SLC35F4: variants seen among roughly 807,000 people sequenced by gnomAD.
SLC35F4 encodes chromosome 14 open reading frame 36.
Under a neutral mutation model 44.2 loss-of-function variants are expected in SLC35F4, and 24 were observed. That is an observed-to-expected ratio of 0.54 (90% CI 0.39 to 0.76). The LOEUF is 0.76. Ranked by LOEUF, SLC35F4 falls within the 30% of genes least tolerant of loss-of-function variation. The pLI, the probability that SLC35F4 is intolerant of heterozygous loss-of-function variation, is 0.00. For synonymous variants in SLC35F4, 238 were observed against 223.6 expected (o/e 1.06, Z -0.57); for missense variants, 562 against 586.1 (o/e 0.96, Z 0.42).
intron 5 of SLC35F4, among the ~76,000 whole-genome samples, chr14:57,570,870 A>T (rs2068465680): frequency 6.6e-6 from 1 of 152,132 alleles, no homozygotes; most frequent in East Asian, 1.9e-4. Context: ...GAAAGACTTA[A>T]TCAAAAGAAT....
intron 4 of SLC35F4, chr14:57,579,289 C>T (rs2069057863): frequency 6.6e-6 from 1 of 152,182 alleles, no homozygotes; most frequent in African/African-American, 2.4e-5. Flanking sequence ...ACCACTCAAC[C>T]CACTGCAGAT....
chr14:57,954,792 C>G (rs1441206589), intron 1 of SLC35F4, among the ~76,000 whole-genome samples: 2 of 151,376 alleles, frequency 1.3e-5, no homozygotes, highest in Non-Finnish European at 2.9e-5. Flanking sequence ...AATAGCTTAA[C>G]AACCAAAAAA....
At chr14:57,678,478 C>A (rs113791562) in intron 1 of SLC35F4, among the ~76,000 whole-genome samples, 4 of 152,034 alleles carry the variant, frequency 2.6e-5, no homozygotes, top group African/African-American at 7.2e-5. Context: ...GCAAAATAAC[C>A]AGCTAGCATC....
Position 57,607,034 on chromosome 14 carries a change from G to A in SLC35F4, c.104-12910C>T, listed in dbSNP as rs140473996. The stretch of plus-strand genomic sequence containing the variant: ...TTTTTTATGGTCCAGCAGGGGAAAA[G>A]CCAATTATACAAGCAATTTCTATAA... On this transcript the variant is annotated intron_variant, in intron 1 of 7. Coordinates refer to ENST00000556826, the MANE Select transcript of SLC35F4 (RefSeq NM_001306087.2). 5.9e-3 allele frequency among the ~76,000 whole-genome samples: 898 copies of A among 152,256 alleles called. 6 individuals are homozygous for A. Among genetic ancestry groups the A allele is most frequent in the African/African-American group, 0.02 (841 of 41,530 alleles).
At chr14:57,861,718 A>T (rs761879883) in intron 1 of SLC35F4, among the ~76,000 whole-genome samples, 15 of 152,164 alleles carry the variant, frequency 9.9e-5, no homozygotes, top group Non-Finnish European at 1.9e-4. Context: ...GGACTCAGCT[A>T]AACTCTTCCC....
intron 6 of SLC35F4, among the ~76,000 whole-genome samples, chr14:57,569,028 G>A (rs1332231169): frequency 2.0e-5 from 3 of 152,144 alleles, no homozygotes; most frequent in African/African-American, 7.2e-5. Context: ...TGGAGCTCAG[G>A]TGAAGCAGCC....
At chr14:57,782,033 CA>C (rs1020623385) in intron 1 of SLC35F4, among the ~76,000 whole-genome samples, 1 of 152,144 alleles carries the variant, frequency 6.6e-6, no homozygotes, top group African/African-American at 2.4e-5. Context: ...ACCTATATAA[CA>C]AACCTGCACA....
intron 1 of SLC35F4, among the ~76,000 whole-genome samples, chr14:57,903,637 C>A (rs1268974521): frequency 6.6e-6 from 1 of 152,178 alleles, no homozygotes; most frequent in Non-Finnish European, 1.5e-5. Flanking sequence ...ATCATGAAAA[C>A]CTAATTTAAT....
At chr14:57,647,341 C>T (rs972277196) in intron 1 of SLC35F4, among the ~76,000 whole-genome samples, 9 of 152,060 alleles carry the variant, frequency 5.9e-5, no homozygotes, top group Non-Finnish European at 5.9e-5. Flanking sequence ...GGATAGTTAC[C>T]TCTTCTTGTT....
chr14:57,629,927 A>G (rs754305324), intron 1 of SLC35F4: 12 of 486,964 alleles, frequency 2.5e-5, no homozygotes, highest in Non-Finnish European at 4.9e-5. Context: ...GTATCGCTGA[A>G]CACATCTCTC....
intron 1 of SLC35F4, among the ~76,000 whole-genome samples, chr14:57,821,793 T>G (rs1228452845): frequency 1.3e-5 from 2 of 152,350 alleles, no homozygotes; most frequent in Admixed American, 6.5e-5. Flanking sequence ...CCATTTCACC[T>G]GATGCTGAAG....
intron 1 of SLC35F4, among the ~76,000 whole-genome samples, chr14:57,717,590 C>T (rs1035547061): frequency 2.0e-5 from 3 of 152,148 alleles, no homozygotes; most frequent in South Asian, 2.1e-4. Context: ...GAGCCGAGAT[C>T]GCGCCACTGC....
chr14:57,876,739 A>G (rs1431764090), intron 1 of SLC35F4, among the ~76,000 whole-genome samples: 1 of 152,184 alleles, frequency 6.6e-6, no homozygotes, highest in Non-Finnish European at 1.5e-5. Flanking sequence ...CTAAAATCTC[A>G]ATTTACAATT....
In SLC35F4 at chr14:57,586,076, T is replaced by C. The variant is rs577028633; in HGVS notation, c.587+3140A>G. Among the ~76,000 whole-genome samples the C allele has an allele frequency of 2.0e-5, 3 of 152,264 alleles. No individual in the cohort carries two copies. The South Asian group carries it at 6.2e-4, about 32-fold the overall frequency. On this transcript the variant is annotated intron_variant, in intron 3 of 7. Coordinates refer to ENST00000556826, the MANE Select transcript of SLC35F4 (RefSeq NM_001306087.2). The stretch of plus-strand genomic sequence containing the variant: ...GGCATCACACGACCTGACATCAAAC[T>C]ATACTACAAGGCTACAGTAACCAAA...
At chr14:57,963,217 T>G (rs967718356) in intron 1 of SLC35F4, among the ~76,000 whole-genome samples, 1 of 152,148 alleles carries the variant, frequency 6.6e-6, no homozygotes, top group Non-Finnish European at 1.5e-5. Flanking sequence ...AACCCTTCTA[T>G]GGGAATGGTG....
intron 1 of SLC35F4, among the ~76,000 whole-genome samples, chr14:57,691,041 C>T (rs926215115): frequency 6.6e-6 from 1 of 152,076 alleles, no homozygotes; most frequent in Non-Finnish European, 1.5e-5. Context: ...GTGACCCTTG[C>T]CCTAGACTGT....
At chr14:57,746,519 A>G (rs1418840908) in intron 1 of SLC35F4, among the ~76,000 whole-genome samples, 2 of 152,094 alleles carry the variant, frequency 1.3e-5, no homozygotes, top group African/African-American at 4.8e-5. Flanking sequence ...ATGATGTGTT[A>G]TCCTTTTTAT....
chr14:57,955,004 G>A (rs774801795), intron 1 of SLC35F4, among the ~76,000 whole-genome samples: 1 of 146,718 alleles, frequency 6.8e-6, no homozygotes, highest in Non-Finnish European at 1.5e-5. Context: ...GAAAATTTCA[G>A]GCCAATATCC....
chr14:57,750,263 A>G (rs117617719), intron 1 of SLC35F4, among the ~76,000 whole-genome samples: 5,528 of 152,250 alleles, frequency 0.036, 98 homozygotes, highest in Middle Eastern at 0.041. Context: ...GTGTATATAT[A>G]TACCACATTT....
Sources: allele counts gnomAD v4.1 joint callset (sites outside exome capture counted in the v4.1 genomes callset), GRCh38; gene constraint gnomAD v4.1.1; transcripts MANE v1.5; gene names NCBI Gene and HGNC (gene_info 2026-07-23, HGNC 2026-07-21).